Variants in CTHRC1 observed in about 807,000 individuals in gnomAD.
CTHRC1 encodes the protein collagen triple helix repeat-containing protein 1.
In CTHRC1, 21 loss-of-function variants were observed where a neutral mutation model predicts 25.9. That is an observed-to-expected ratio of 0.81 (90% CI 0.57 to 1.17). The LOEUF is 1.17. CTHRC1 is among the 50% of genes most tolerant of loss of function. The probability of loss-of-function intolerance (pLI) is 0.00; values close to 1 mark genes in which losing one functional copy is unlikely to be tolerated. For synonymous variants in CTHRC1, 109 were observed against 113.1 expected (o/e 0.96, Z 0.23); for missense variants, 281 against 304.3 (o/e 0.92, Z 0.57).
chr8:103,380,617 T>C (rs142756200), intron 3 of CTHRC1, among the ~76,000 whole-genome samples: 1 of 152,356 alleles, frequency 6.6e-6, no homozygotes, highest in East Asian at 1.9e-4. Context: ...CTTAACAAGC[T>C]ATCATACTAC....
rs1586549431 is a variant in CTHRC1 at position 103,371,566 on chromosome 8, G to C, written c.-91G>C. The C allele has an allele frequency of 4.3e-6, 6 of 1,387,192 alleles. No individual in the cohort carries two copies. The East Asian group carries it at 1.7e-4, about 39-fold the overall frequency. 85.9% of individuals were successfully genotyped at this position (1,387,192 alleles called of 1,614,324 possible). A position where few individuals can be genotyped will look rare whatever the true frequency, so the allele number is the denominator to read the frequency against. ...AGGCGCATTGATGCAGCCTGCGGCGGCCTCGGAGCGCGGCGGAGCCAGACG... is the reference window on the plus strand; with the variant it reads ...AGGCGCATTGATGCAGCCTGCGGCGCCCTCGGAGCGCGGCGGAGCCAGACG... On this transcript the variant is annotated 5_prime_UTR_variant, in exon 1 of 4. Transcript: ENST00000330295.
At position 103,375,724 on chromosome 8, in the gene CTHRC1, C is replaced by T. The variant is rs531041475; in HGVS notation, c.151-14C>T. 11 of 1,608,044 alleles carry T rather than the reference C, an allele frequency of 6.8e-6. No homozygotes were observed. The highest frequency in any genetic ancestry group is 9.4e-6 in the Non-Finnish European group (11 of 1,174,508). On this transcript the variant is annotated splice_polypyrimidine_tract_variant and intron_variant, in intron 1 of 3. Coordinates refer to ENST00000330295, the MANE Select transcript of CTHRC1 (RefSeq NM_138455.4). ...GTGGTGAGAGTTTTCTTTGCCTTTT[C>T]TTTCTCATTATAGTATAATGGAATG...
Position 103,371,622 on chromosome 8 carries a change from G to A in CTHRC1, c.-35G>A. 6.5e-7 allele frequency: 1 copy of A among 1,527,510 alleles called. No individual in the cohort carries two copies. Among genetic ancestry groups the A allele is most frequent in the East Asian group, 2.6e-5 (1 of 38,396 alleles). 94.6% of individuals were successfully genotyped at this position (1,527,510 alleles called of 1,614,324 possible). On this transcript the variant is annotated 5_prime_UTR_variant, in exon 1 of 4. Transcript: ENST00000330295. ...CACGTTCCTCTCCTCGGTCTCCTCC[G>A]CCTCCAGCTCCGCGCTGCCCGGCAG...
intron 3 of CTHRC1, 66 bp from the exon 4 acceptor site, chr8:103,382,392 A>C (rs1815928825): frequency 3.3e-5 from 51 of 1,537,756 alleles, no homozygotes; most frequent in Non-Finnish European, 4.5e-5. Context: ...TGAAGTTATA[A>C]AATTTAACTA....
chr8:103,382,350 A>G (rs1815928132), intron 3 of CTHRC1, 108 bp from the exon 4 acceptor site: 3 of 1,122,788 alleles, frequency 2.7e-6, no homozygotes, highest in East Asian at 2.4e-5. Context: ...TTTAAGTAGC[A>G]TTACATTAAA....
At chr8:103,377,923 C>A in intron 2 of CTHRC1, 104 bp from the exon 3 acceptor site, 1 of 1,027,048 alleles carries the variant, frequency 9.7e-7, no homozygotes, top group Non-Finnish European at 1.5e-6. Context: ...TTTTTAAATA[C>A]ATTTTGGGGA....
intron 1 of CTHRC1, chr8:103,372,299 A>G: frequency 1.6e-6 from 1 of 619,460 alleles, no homozygotes; most frequent in Non-Finnish European, 2.5e-6. Flanking sequence ...GCGAGAGAGA[A>G]TAACAACCCC....
At position 103,371,708 on chromosome 8, in the gene CTHRC1, C is replaced by T; in HGVS notation, c.52C>T (p.Leu18=). The part of the protein sequence containing the change: ...ASPQRLRGLL[L]LLLLQLPAPS... ...CCCGCAGCGGCTCCGCGGCCTCCTG[C>T]TGCTCCTGCTGCTGCAGCTGCCCGC... Residue 18 remains leucine, a synonymous_variant, in exon 1 of 4, where the codon CTG becomes TTG. Coordinates refer to ENST00000330295, the MANE Select transcript of CTHRC1 (RefSeq NM_138455.4). 7 of 1,535,514 alleles carry T rather than the reference C, an allele frequency of 4.6e-6. No individual in the cohort carries two copies. Among genetic ancestry groups the T allele is most frequent in the Non-Finnish European group, 6.1e-6 (7 of 1,141,572 alleles).
chr8:103,371,860 C>A lies in CTHRC1; in HGVS notation c.150+54C>A, dbSNP rs116193689. 1.8e-3 allele frequency: 2,646 copies of A among 1,446,646 alleles called. 42 individuals are homozygous for A. The African/African-American group carries it at 0.032, about 18-fold the overall frequency. The allele number at this position is 1,446,646 out of a possible 1,614,324, so 89.6% of individuals were successfully genotyped here. ...GCCGCGCTGGTGGAGGGGACCTGGC[C>A]GCGCGCCCCACGGGCAGGGCGTCAG... On this transcript the variant is annotated intron_variant, in intron 1 of 3. Transcript: ENST00000330295.
At chr8:103,373,481 T>A (rs1159454049) in intron 1 of CTHRC1, among the ~76,000 whole-genome samples, 1 of 151,508 alleles carries the variant, frequency 6.6e-6, no homozygotes, top group Non-Finnish European at 1.5e-5. Flanking sequence ...TTGAGAGTAC[T>A]AAGCATATGT....
In CTHRC1 at chr8:103,382,777, A is replaced by G. The variant is rs1563711234; in HGVS notation, c.*177A>G. 3.0e-6 allele frequency: 2 copies of G among 672,182 alleles called. No homozygotes were observed. Among genetic ancestry groups the G allele is most frequent in the East Asian group, 2.7e-5 (1 of 37,266 alleles). 41.6% of individuals were successfully genotyped at this position (672,182 alleles called of 1,614,324 possible). A position where few individuals can be genotyped will look rare whatever the true frequency, so the allele number is the denominator to read the frequency against. Reference sequence around the variant, plus strand: ...ATCTAGCATTATTCATTTTGCTTCAATCAAAAGTGGTTTCAATATTTTTTT... The same window carrying G: ...ATCTAGCATTATTCATTTTGCTTCAGTCAAAAGTGGTTTCAATATTTTTTT... On this transcript the variant is annotated 3_prime_UTR_variant, in exon 4 of 4. Coordinates refer to ENST00000330295, the MANE Select transcript of CTHRC1 (RefSeq NM_138455.4).
Position 103,382,734 on chromosome 8 carries a change from A to G in CTHRC1, c.*134A>G. On this transcript the variant is annotated 3_prime_UTR_variant, in exon 4 of 4. Transcript: ENST00000330295. ...AAATATGTTTACAGACCAAAGTGTGATTTCACACTGTTTTTAAATCTAGCA... is the reference window on the plus strand; with the variant it reads ...AAATATGTTTACAGACCAAAGTGTGGTTTCACACTGTTTTTAAATCTAGCA... 1.2e-6 allele frequency: 1 copy of G among 842,926 alleles called. No individual in the cohort carries two copies. The highest frequency in any genetic ancestry group is 2.0e-6 in the Non-Finnish European group (1 of 491,058). The allele number at this position is 842,926 out of a possible 1,614,324, so 52.2% of individuals were successfully genotyped here. A position where few individuals can be genotyped will look rare whatever the true frequency, so the allele number is the denominator to read the frequency against.
intron 3 of CTHRC1, among the ~76,000 whole-genome samples, chr8:103,379,191 G>C (rs1217263676): frequency 6.6e-6 from 1 of 152,160 alleles, no homozygotes; most frequent in Non-Finnish European, 1.5e-5. Flanking sequence ...ACATTCAGTG[G>C]TCACTTAAAC....
At chr8:103,379,235 C>CTT (rs1365803836) in intron 3 of CTHRC1, among the ~76,000 whole-genome samples, 1 of 152,030 alleles carries the variant, frequency 6.6e-6, no homozygotes, top group Non-Finnish European at 1.5e-5. Flanking sequence ...GTTTTATGTA[C>CTT]TTATGTATTT....
Position 103,382,826 on chromosome 8 carries a change from A to G in CTHRC1, c.*226A>G. 2.0e-6 allele frequency: 1 copy of G among 500,240 alleles called. No homozygotes were observed. The highest frequency in any genetic ancestry group is 3.6e-6 in the Non-Finnish European group (1 of 276,944). The allele number at this position is 500,240 out of a possible 1,614,324, so 31.0% of individuals were successfully genotyped here. A position where few individuals can be genotyped will look rare whatever the true frequency, so the allele number is the denominator to read the frequency against. On this transcript the variant is annotated 3_prime_UTR_variant, in exon 4 of 4. Transcript: ENST00000330295. ...TTTAGTTGGTTAGAATACTTTCTTCATAGTCACATTCTCTCAACCTATAAT... is the reference window on the plus strand; with the variant it reads ...TTTAGTTGGTTAGAATACTTTCTTCGTAGTCACATTCTCTCAACCTATAAT...
chr8:103,374,659 C>T (rs533712033), intron 1 of CTHRC1, among the ~76,000 whole-genome samples: 7 of 152,170 alleles, frequency 4.6e-5, no homozygotes, highest in Non-Finnish European at 8.8e-5. Flanking sequence ...ACACACTTAC[C>T]CAGAGTTGCT....
At chr8:103,381,571 A>G (rs976324158) in intron 3 of CTHRC1, among the ~76,000 whole-genome samples, 2 of 152,174 alleles carry the variant, frequency 1.3e-5, no homozygotes, top group East Asian at 1.9e-4. Context: ...GTAATGCATA[A>G]AAACACAGAG....
rs1815935483 is a variant in CTHRC1 at position 103,382,680 on chromosome 8, A to T, written c.*80A>T. 1 of 1,225,568 alleles carries T rather than the reference A, an allele frequency of 8.2e-7. No homozygotes were observed. The highest frequency in any genetic ancestry group is 1.7e-5 in the Admixed American group (1 of 59,512). The allele number at this position is 1,225,568 out of a possible 1,614,324, so 75.9% of individuals were successfully genotyped here. On this transcript the variant is annotated 3_prime_UTR_variant, in exon 4 of 4. Transcript: ENST00000330295. ...CTTAAATGACATTTTAAATAAGTTT[A>T]TGTATACATCTGAATGAAAAGCAAA...
At chr8:103,374,493 TG>T (rs1815770199) in intron 1 of CTHRC1, among the ~76,000 whole-genome samples, 1 of 152,176 alleles carries the variant, frequency 6.6e-6, no homozygotes, top group South Asian at 2.1e-4. Context: ...CCAATTCAGG[TG>T]TAGACACAGG....
Sources: allele counts gnomAD v4.1 joint callset (sites outside exome capture counted in the v4.1 genomes callset), GRCh38; gene constraint gnomAD v4.1.1; transcripts MANE v1.5; gene names NCBI Gene and HGNC (gene_info 2026-07-23, HGNC 2026-07-21).